NETO1: variants seen among roughly 807,000 people sequenced by gnomAD.
NETO1 encodes neuropilin and tolloid like 1.
A neutral mutation model predicts 61.3 loss-of-function variants in NETO1; 26 were observed. The ratio of observed to expected loss-of-function variants is 0.42; its 90% CI spans 0.31 to 0.59. The LOEUF (loss-of-function observed/expected upper bound fraction) is 0.59, where lower values mean the gene tolerates loss of function less well. Ranked by LOEUF, NETO1 falls within the 20% of genes least tolerant of loss-of-function variation. The pLI is 0.12. For synonymous variants in NETO1, 225 were observed against 225.8 expected, an observed-to-expected ratio of 1.00 and a Z score of 0.03; for missense variants, 531 against 662.8, an observed-to-expected ratio of 0.80 and a Z score of 2.18.
At chr18:72,806,671 A>G (rs1568214832) in intron 4 of NETO1, among the ~76,000 whole-genome samples, 1 of 152,170 alleles carries the variant, frequency 6.6e-6, no homozygotes, top group Non-Finnish European at 1.5e-5. Context: ...CTTAGCTAAT[A>G]ACACAACGCA....
intron 4 of NETO1, among the ~76,000 whole-genome samples, chr18:72,805,411 T>G (rs1160639565): frequency 6.6e-6 from 1 of 152,232 alleles, no homozygotes; most frequent in East Asian, 1.9e-4. Context: ...TGGTTTCTCA[T>G]TTTAATTCTT....
intron 7 of NETO1, among the ~76,000 whole-genome samples, chr18:72,761,804 C>T (rs1467617567): frequency 6.6e-6 from 1 of 152,110 alleles, no homozygotes; most frequent in Non-Finnish European, 1.5e-5. Flanking sequence ...CTTCAGTTAA[C>T]ATTTATTCAA....
At chr18:72,831,215 C>G (rs1339851358) in intron 4 of NETO1, among the ~76,000 whole-genome samples, 1 of 152,214 alleles carries the variant, frequency 6.6e-6, no homozygotes, top group African/African-American at 2.4e-5. Flanking sequence ...ATTTCTACCA[C>G]CACCTCCATA....
Position 72,834,650 on chromosome 18 carries a change from G to A in NETO1, c.469+24176C>T, listed in dbSNP as rs2073685134. 6 of 984,404 alleles carry A rather than the reference G, an allele frequency of 6.1e-6. No homozygotes were observed. In the South Asian group the frequency reaches 2.4e-4, roughly 39 times the overall value. The allele number at this position is 984,404 out of a possible 1,614,324, so 61.0% of individuals were successfully genotyped here. On this transcript the variant is annotated intron_variant, in intron 4 of 10. Coordinates refer to ENST00000327305, the MANE Select transcript of NETO1 (RefSeq NM_138966.5). ...GTTTATAATTACTTAATTCATTTAT[G>A]TATTTTTAGTTCTTCAGTCATCTTC... is the stretch of plus-strand genomic sequence containing the variant.
chr18:72,791,217 C>G (rs116206386), intron 6 of NETO1, among the ~76,000 whole-genome samples: 1 of 152,090 alleles, frequency 6.6e-6, no homozygotes, highest in East Asian at 1.9e-4. Context: ...TTCTATTTGT[C>G]AAAAGCTGGT....
chr18:72,798,055 A>G (rs777659180), intron 4 of NETO1, among the ~76,000 whole-genome samples: 23 of 152,308 alleles, frequency 1.5e-4, no homozygotes, highest in African/African-American at 2.2e-4. Context: ...ATATTTTTTT[A>G]CCGTCTACTT....
chr18:72,750,755 AAT>A, intron 8 of NETO1, 135 bp from the exon 9 acceptor site: 1 of 597,140 alleles, frequency 1.7e-6, no homozygotes, highest in Non-Finnish European at 2.8e-6. Flanking sequence ...ACAGGCTTAT[AAT>A]AACTTAAGAA....
chr18:72,767,134 G>C (rs2071193163), intron 7 of NETO1, among the ~76,000 whole-genome samples: 2 of 152,094 alleles, frequency 1.3e-5, no homozygotes, highest in African/African-American at 4.8e-5. Flanking sequence ...CCCACAAAGG[G>C]GGCCTGCAGT....
At chr18:72,845,445 GAT>G (rs1440254737) in intron 4 of NETO1, among the ~76,000 whole-genome samples, 1 of 152,040 alleles carries the variant, frequency 6.6e-6, no homozygotes, top group Non-Finnish European at 1.5e-5. Flanking sequence ...AAAAATAAAT[GAT>G]ATATGATAGT....
chr18:72,851,031 A>C (rs1226063123), intron 4 of NETO1, among the ~76,000 whole-genome samples: 1 of 152,144 alleles, frequency 6.6e-6, no homozygotes, highest in African/African-American at 2.4e-5. Flanking sequence ...GCAGCCCTGA[A>C]TAGAGGGATG....
rs1189579042 is a variant in NETO1 at position 72,772,801 on chromosome 18, C to A, written c.868+10877G>T. ...TACAGATCTCTATATAGTTCTCTCT[C>A]TCTCTCTCTCTCTCTCTCTCTCTCT... is the stretch of plus-strand genomic sequence containing the variant. On this transcript the variant is annotated intron_variant, in intron 7 of 10. Coordinates refer to ENST00000327305, the MANE Select transcript of NETO1 (RefSeq NM_138966.5). Among the ~76,000 whole-genome samples, 51 of 43,084 alleles carry A rather than the reference C, an allele frequency of 1.2e-3. 2 individuals are homozygous for A. The highest frequency in any genetic ancestry group is 4.2e-3 in the East Asian group (4 of 952). The allele number at this position is 43,084 out of a possible 152,430, so 28.3% of individuals were successfully genotyped here. A position where few individuals can be genotyped will look rare whatever the true frequency, so the allele number is the denominator to read the frequency against.
In NETO1 at chr18:72,749,035, C is replaced by T; in HGVS notation, c.1595G>A (p.Arg532Lys). ...TTACCTTGAATTTTCTTTCTAGACC[C>T]TAGTTGTGTTGTATTCAGATTCATG... is the stretch of plus-strand genomic sequence containing the variant. ...SKHESEYNTT[R>K]V The change falls in exon 10 of 11, where the codon AGG becomes AAG. Residue 532 changes from arginine to lysine, a missense_variant. Coordinates refer to ENST00000327305, the MANE Select transcript of NETO1 (RefSeq NM_138966.5). The T allele has an allele frequency of 6.2e-7, 1 of 1,610,356 alleles. No individual in the cohort carries two copies. The highest frequency in any genetic ancestry group is 8.5e-7 in the Non-Finnish European group (1 of 1,176,944).
At chr18:72,857,894 T>C (rs994154503) in intron 4 of NETO1, among the ~76,000 whole-genome samples, 104 of 152,262 alleles carry the variant, frequency 6.8e-4, no homozygotes, top group African/African-American at 2.3e-3. Context: ...TAAACTTATA[T>C]TAATAATTTT....
chr18:72,807,784 C>T (rs1358993968), intron 4 of NETO1, among the ~76,000 whole-genome samples: 2 of 151,514 alleles, frequency 1.3e-5, no homozygotes, highest in South Asian at 2.1e-4. Flanking sequence ...GGAGTTTGCA[C>T]ATTTGAATTA....
intron 4 of NETO1, among the ~76,000 whole-genome samples, chr18:72,801,667 A>G (rs778318085): frequency 6.6e-6 from 1 of 152,214 alleles, no homozygotes; most frequent in Non-Finnish European, 1.5e-5. Flanking sequence ...CAAAATGTTT[A>G]CTGAGGTTAC....
rs142097211 is a variant in NETO1 at position 72,752,300 on chromosome 18, C to A, written c.983-1680G>T. 9.4e-3 allele frequency among the ~76,000 whole-genome samples: 1,425 copies of A among 152,184 alleles called. 33 individuals are homozygous for A. The highest frequency in any genetic ancestry group is 0.032 in the African/African-American group (1,343 of 41,512). On this transcript the variant is annotated intron_variant, in intron 8 of 10. Transcript: ENST00000327305. ...TTGGGCACTGTCAAAAGCAGTAGAGCAATCAGCCGGCAATTGGTGGAGACT... is the reference window on the plus strand; with the variant it reads ...TTGGGCACTGTCAAAAGCAGTAGAGAAATCAGCCGGCAATTGGTGGAGACT...
chr18:72,865,320 T>C lies in NETO1; in HGVS notation c.29-79A>G. ...ATAAAAACATAACATAATTTCAAGATAAAATAATATCAAAGCAGATTAATT... is the reference window on the plus strand; with the variant it reads ...ATAAAAACATAACATAATTTCAAGACAAAATAATATCAAAGCAGATTAATT... On this transcript the variant is annotated intron_variant, in intron 1 of 10. Transcript: ENST00000327305. 3.9e-6 allele frequency: 5 copies of C among 1,287,474 alleles called. No individual in the cohort carries two copies. In the South Asian group the frequency reaches 6.5e-5, roughly 17 times the overall value. The allele number at this position is 1,287,474 out of a possible 1,614,324, so 79.8% of individuals were successfully genotyped here.
chr18:72,774,817 A>G lies in NETO1; in HGVS notation c.868+8861T>C, dbSNP rs115134892. The stretch of plus-strand genomic sequence containing the variant: ...GTCTTCTTTTTTGGATTACTCATGC[A>G]TGTGCTCTTCTCCACCGGGTAAATT... On this transcript the variant is annotated intron_variant, in intron 7 of 10. Coordinates refer to ENST00000327305, the MANE Select transcript of NETO1 (RefSeq NM_138966.5). 2.9e-3 allele frequency among the ~76,000 whole-genome samples: 443 copies of G among 152,290 alleles called. 2 individuals are homozygous for G. Among genetic ancestry groups the G allele is most frequent in the African/African-American group, 0.01 (424 of 41,564 alleles).
intron 4 of NETO1, among the ~76,000 whole-genome samples, chr18:72,832,903 TG>T (rs142913733): frequency 0.017 from 2,528 of 152,302 alleles, 63 homozygotes; most frequent in African/African-American, 0.058. Context: ...TATAAAAAAT[TG>T]TCTCATAATT....
Sources: gnomAD v4.1 joint callset for allele counts (sites outside exome capture counted in the v4.1 genomes callset) on GRCh38, gnomAD v4.1.1 for gene constraint, MANE v1.5 for transcripts, NCBI Gene and HGNC (gene_info 2026-07-23, HGNC 2026-07-21) for gene names.